Variants in EIF4G3 observed in about 807,000 individuals in gnomAD.
The protein encoded by EIF4G3 is eukaryotic translation initiation factor 4 gamma 3, also known as eIF-4-gamma 3.
Under a neutral mutation model 186.4 loss-of-function variants are expected in EIF4G3, and 34 were observed. The ratio of observed to expected loss-of-function variants is 0.18; its 90% CI spans 0.14 to 0.24. The LOEUF is 0.24. EIF4G3 is among the 10% of genes least tolerant of loss of function. The pLI is 1.00. For missense variants in EIF4G3, 1,536 were observed against 1,948.5 expected (o/e 0.79, Z 3.99); for synonymous variants, 673 against 679.5 (o/e 0.99, Z 0.15).
chr1:20,903,054 G>T, intron 15 of EIF4G3, among the ~76,000 whole-genome samples: 1 of 152,220 alleles, frequency 6.6e-6, no homozygotes, highest in East Asian at 1.9e-4. Context: ...CTGGCCCGAG[G>T]GCCAATTCTG....
In EIF4G3 at chr1:21,176,897, T is replaced by C; in HGVS notation, c.-631A>G. 1.4e-6 allele frequency: 1 copy of C among 689,844 alleles called. No individual in the cohort carries two copies. The highest frequency in any genetic ancestry group is 2.6e-6 in the Non-Finnish European group (1 of 377,994). The allele number at this position is 689,844 out of a possible 1,614,324, so 42.7% of individuals were successfully genotyped here. A position where few individuals can be genotyped will look rare whatever the true frequency, so the allele number is the denominator to read the frequency against. ...GCCTCCAGCAGTCCGGCAGGACGGC[T>C]GCTCGGAAAACTTCGGACTTTTTCG... On this transcript the variant is annotated 5_prime_UTR_variant, in exon 1 of 37. Transcript: ENST00000602326.
At chr1:20,813,987 C>T (rs1309038263) in intron 34 of EIF4G3, among the ~76,000 whole-genome samples, 1 of 130,926 alleles carries the variant, frequency 7.6e-6, no homozygotes, top group Admixed American at 8.1e-5. Context: ...TGCACTGTCA[C>T]CCGGGCTGGA....
At chr1:21,043,531 A>T (rs1008768939) in intron 4 of EIF4G3, among the ~76,000 whole-genome samples, 1 of 152,252 alleles carries the variant, frequency 6.6e-6, no homozygotes, top group African/African-American at 2.4e-5. Context: ...TACAAAGAGA[A>T]GTATAATCAA....
chr1:20,854,710 T>TAA lies in EIF4G3; in HGVS notation c.3433+267_3433+268insTT, dbSNP rs1197136774. On this transcript the variant is annotated intron_variant, in intron 26 of 36. Coordinates refer to ENST00000602326, the MANE Select transcript of EIF4G3 (RefSeq NM_001391906.1). ...ACAGAGCGGGATCCCATCTCAAAAA[T>TAA]ATATAAATAAATAAATAAATAAATA... Among the ~76,000 whole-genome samples, 38 of 146,860 alleles carry TAA rather than the reference T, an allele frequency of 2.6e-4. 1 individual carries two copies. Among genetic ancestry groups the TAA allele is most frequent in the South Asian group, 2.4e-3 (11 of 4,680 alleles).
intron 20 of EIF4G3, among the ~76,000 whole-genome samples, chr1:20,871,471 G>A (rs1405099717): frequency 6.6e-6 from 1 of 152,152 alleles, no homozygotes; most frequent in African/African-American, 2.4e-5. Context: ...GAATGTCCCT[G>A]GTTGAGATCA....
intron 18 of EIF4G3, among the ~76,000 whole-genome samples, chr1:20,887,275 G>C (rs1405809502): frequency 6.6e-6 from 1 of 151,500 alleles, no homozygotes; most frequent in African/African-American, 2.4e-5. Context: ...GATTTCAAGA[G>C]AGAATAAAAA....
chr1:21,007,272 C>T (rs1009154883), intron 4 of EIF4G3, among the ~76,000 whole-genome samples: 13 of 151,856 alleles, frequency 8.6e-5, no homozygotes, highest in Non-Finnish European at 1.5e-5. Flanking sequence ...GTGGTGGGCA[C>T]CTGTAATCCC....
At chr1:20,848,435 A>C (rs1401657968) in intron 29 of EIF4G3, among the ~76,000 whole-genome samples, 1 of 152,186 alleles carries the variant, frequency 6.6e-6, no homozygotes, top group Non-Finnish European at 1.5e-5. Flanking sequence ...CCTAAGACCT[A>C]TAGGTCTACT....
intron 14 of EIF4G3, among the ~76,000 whole-genome samples, chr1:20,937,985 G>A (rs1034400120): frequency 1.8e-4 from 27 of 150,068 alleles, no homozygotes; most frequent in African/African-American, 5.6e-4. Context: ...TCTTCAATCC[G>A]AAAACAACTG....
At chr1:20,858,073 T>C (rs1192486114) in intron 24 of EIF4G3, among the ~76,000 whole-genome samples, 2 of 152,196 alleles carry the variant, frequency 1.3e-5, no homozygotes, top group Admixed American at 6.5e-5. Flanking sequence ...CCAACACCCC[T>C]TTCCTAGATT....
At chr1:21,061,987 T>C (rs1287988280) in intron 3 of EIF4G3, among the ~76,000 whole-genome samples, 5 of 151,914 alleles carry the variant, frequency 3.3e-5, no homozygotes, top group Non-Finnish European at 7.4e-5. Context: ...CCTCAAGTGA[T>C]CCATCCACCT....
intron 7 of EIF4G3, among the ~76,000 whole-genome samples, chr1:20,994,078 T>G (rs2081711799): frequency 6.6e-6 from 1 of 152,230 alleles, no homozygotes; most frequent in African/African-American, 2.4e-5. Context: ...GGTGGTTTTC[T>G]TTTGTTTTGC....
chr1:21,019,773 A>G (rs912531866), intron 4 of EIF4G3, among the ~76,000 whole-genome samples: 1 of 152,192 alleles, frequency 6.6e-6, no homozygotes, highest in Non-Finnish European at 1.5e-5. Flanking sequence ...AGTCCCAGCA[A>G]CTAGGGAGGC....
chr1:20,936,867 A>G (rs2095533335), intron 14 of EIF4G3, among the ~76,000 whole-genome samples: 1 of 152,192 alleles, frequency 6.6e-6, no homozygotes, highest in Non-Finnish European at 1.5e-5. Flanking sequence ...AACATTACCA[A>G]AACATATAAT....
intron 2 of EIF4G3, among the ~76,000 whole-genome samples, chr1:21,140,648 A>G (rs895374575): frequency 2.6e-5 from 4 of 152,146 alleles, no homozygotes; most frequent in African/African-American, 9.6e-5. Flanking sequence ...TAAAAAGATA[A>G]AATTAAAGTA....
intron 9 of EIF4G3, 112 bp from the exon 10 acceptor site, chr1:20,980,560 G>T: frequency 1.4e-6 from 1 of 725,922 alleles, no homozygotes; most frequent in Non-Finnish European, 2.1e-6. Flanking sequence ...CTCTGTGTAA[G>T]AGAATCATTT....
chr1:20,944,383 C>T lies in EIF4G3; in HGVS notation c.824-2053G>A, dbSNP rs181089161. Reference sequence around the variant, plus strand: ...TTAAAAGATTAGCCAGGTGAGGTGGCGCAGACCTGTAGACCCAGCTACTCG... The same window carrying T: ...TTAAAAGATTAGCCAGGTGAGGTGGTGCAGACCTGTAGACCCAGCTACTCG... On this transcript the variant is annotated intron_variant, in intron 13 of 36. Transcript: ENST00000602326. 1.8e-3 allele frequency among the ~76,000 whole-genome samples: 281 copies of T among 152,000 alleles called. 1 individual carries two copies. Among genetic ancestry groups the T allele is most frequent in the African/African-American group, 6.5e-3 (268 of 41,444 alleles).
chr1:20,846,321 T>C (rs2071004348), intron 29 of EIF4G3, among the ~76,000 whole-genome samples: 1 of 152,138 alleles, frequency 6.6e-6, no homozygotes, highest in South Asian at 2.1e-4. Context: ...CTATGTTGAA[T>C]AGGAGTGGTG....
intron 3 of EIF4G3, among the ~76,000 whole-genome samples, chr1:21,075,433 G>A (rs1469356183): frequency 1.3e-5 from 2 of 151,856 alleles, no homozygotes; most frequent in Non-Finnish European, 1.5e-5. Context: ...GCCAGGCATG[G>A]TGGTGGGTGC....
Sources: gnomAD v4.1 joint callset for allele counts (sites outside exome capture counted in the v4.1 genomes callset) on GRCh38, gnomAD v4.1.1 for gene constraint, MANE v1.5 for transcripts, NCBI Gene and HGNC (gene_info 2026-07-23, HGNC 2026-07-21) for gene names.